Variants in NFAM1 observed in about 807,000 individuals in gnomAD.
NFAM1 encodes NFAT activation molecule 1.
In NFAM1, 17 loss-of-function variants were observed where a neutral mutation model predicts 29.0. That is an observed-to-expected ratio of 0.59 (90% CI 0.40 to 0.88). NFAM1 has a LOEUF of 0.88. NFAM1 is among the 40% of genes least tolerant of loss of function. The probability of loss-of-function intolerance (pLI) is 0.00; values close to 1 mark genes in which losing one functional copy is unlikely to be tolerated. For missense variants in NFAM1, 324 were observed against 344.6 expected, an observed-to-expected ratio of 0.94 and a Z score of 0.47; for synonymous variants, 175 against 147.2, an observed-to-expected ratio of 1.19 and a Z score of -1.36.
chr22:42,409,321 A>G lies in NFAM1; in HGVS notation c.564+114T>C. 1 of 516,590 alleles carries G rather than the reference A, an allele frequency of 1.9e-6. No individual in the cohort carries two copies. The allele number at this position is 516,590 out of a possible 1,614,324, so 32.0% of individuals were successfully genotyped here. On this transcript the variant is annotated intron_variant, in intron 3 of 5. Coordinates refer to ENST00000329021, the MANE Select transcript of NFAM1 (RefSeq NM_145912.8). The surrounding 1 kb of genome is among the most constrained non-coding windows in gnomAD (Gnocchi z 4.9). ...CAAGGGGCCACGAGGGCCACCTGTT[A>G]CAGATGTGGATGTGCCCTCACCAGG... is the stretch of plus-strand genomic sequence containing the variant.
Position 42,409,793 on chromosome 22 carries a change from G to C in NFAM1, c.452-246C>G, listed in dbSNP as rs547365849. Reference sequence around the variant, plus strand: ...TTGCTCTTCCGGTGCCCCTGCCCCCGTGACCTGGCTCCCCTGTGGGCTGCT... The same window carrying C: ...TTGCTCTTCCGGTGCCCCTGCCCCCCTGACCTGGCTCCCCTGTGGGCTGCT... On this transcript the variant is annotated intron_variant, in intron 2 of 5. Coordinates refer to ENST00000329021, the MANE Select transcript of NFAM1 (RefSeq NM_145912.8). This position sits in a 1 kb window ranked among gnomAD's most constrained non-coding sequence, Gnocchi z 4.9. Among the ~76,000 whole-genome samples the C allele has an allele frequency of 6.6e-6, 1 of 152,282 alleles. No individual in the cohort carries two copies. The highest frequency in any genetic ancestry group is 2.4e-5 in the African/African-American group (1 of 41,562).
chr22:42,404,548 C>T (rs983836049), intron 3 of NFAM1, among the ~76,000 whole-genome samples: 4 of 152,204 alleles, frequency 2.6e-5, no homozygotes, highest in Non-Finnish European at 5.9e-5. Context: ...GCCGTTCTCC[C>T]CAGGTACAGA....
At chr22:42,412,104 T>C (rs1284806764) in intron 1 of NFAM1, among the ~76,000 whole-genome samples, 1 of 152,084 alleles carries the variant, frequency 6.6e-6, no homozygotes, top group Non-Finnish European at 1.5e-5. Flanking sequence ...TGGTAGTGTA[T>C]GCCTGTAATC....
chr22:42,420,009 T>G (rs1467831930), intron 1 of NFAM1, among the ~76,000 whole-genome samples: 45 of 138,070 alleles, frequency 3.3e-4, no homozygotes, highest in East Asian at 1.7e-3. Flanking sequence ...TTTTTTTTTT[T>G]TTTTTTTTTT....
chr22:42,396,361 G>T (rs1179833505), intron 4 of NFAM1, among the ~76,000 whole-genome samples: 1 of 152,200 alleles, frequency 6.6e-6, no homozygotes, highest in Non-Finnish European at 1.5e-5. Flanking sequence ...AGAAGTATGT[G>T]TGAGTGCGTA....
At chr22:42,397,998 C>G in intron 3 of NFAM1, 42 bp from the exon 4 acceptor site, 1 of 1,106,674 alleles carries the variant, frequency 9.0e-7, no homozygotes, top group Non-Finnish European at 1.3e-6. Context: ...GAGTGGCTCT[C>G]GTCTTCCTCC....
intron 5 of NFAM1, among the ~76,000 whole-genome samples, chr22:42,385,885 A>C (rs1929121547): frequency 6.6e-6 from 1 of 152,178 alleles, no homozygotes; most frequent in Non-Finnish European, 1.5e-5. Context: ...GCCAAGTGCC[A>C]GGCGCCCGCA....
rs1471834651 is a variant in NFAM1, at chr22:42,419,989, GGTTTTTTTTTTTTTTTTT to G, written c.122-8271_122-8254del. 2.3e-4 allele frequency among the ~76,000 whole-genome samples: 13 copies of G among 56,526 alleles called. No individual in the cohort carries two copies. The highest frequency in any genetic ancestry group is 1.2e-3 in the South Asian group (2 of 1,682). The allele number at this position is 56,526 out of a possible 152,430, so 37.1% of individuals were successfully genotyped here. A position where few individuals can be genotyped will look rare whatever the true frequency, so the allele number is the denominator to read the frequency against. ...CCTTTGAGTCTGTAATCCCACTCTTGGTTTTTTTTTTTTTTTTTTTTTTTTTTTTTTTTTTTTCTGAGG... is the reference window on the plus strand; with the variant it reads ...CCTTTGAGTCTGTAATCCCACTCTTGTTTTTTTTTTTTTTTTTTTCTGAGG... On this transcript the variant is annotated intron_variant, in intron 1 of 5. Transcript: ENST00000329021. The surrounding 1 kb of genome is among the most constrained non-coding windows in gnomAD (Gnocchi z 4.5).
chr22:42,408,369 C>G (rs1407026538), intron 3 of NFAM1, among the ~76,000 whole-genome samples: 1 of 152,222 alleles, frequency 6.6e-6, no homozygotes. Context: ...AGGGGCTGAG[C>G]CTTTTTTGAC....
At chr22:42,432,757 T>A (rs1601767866), upstream of NFAM1, among the ~76,000 whole-genome samples, 1 of 152,202 alleles carries the variant, frequency 6.6e-6, no homozygotes, top group Non-Finnish European at 1.5e-5. Flanking sequence ...ACCACAAGCA[T>A]GTTCACACAA....
At chr22:42,412,493 G>A (rs532211717) in intron 1 of NFAM1, among the ~76,000 whole-genome samples, 1 of 152,230 alleles carries the variant, frequency 6.6e-6, no homozygotes, top group Non-Finnish European at 1.5e-5. Flanking sequence ...CCCATCCAGG[G>A]CTGGGGAACA....
rs901054670 is a variant in NFAM1, at chr22:42,423,212, G to C, written c.121+9025C>G. Among the ~76,000 whole-genome samples, 17 of 151,766 alleles carry C rather than the reference G, an allele frequency of 1.1e-4. 2 individuals carry two copies. Among genetic ancestry groups the C allele is most frequent in the Admixed American group, 9.9e-4 (15 of 15,222 alleles). Reference sequence around the variant, plus strand: ...TGTTCACCCAAAGTCTCACCAAGGAGGGCCAGGCCCTGCCACCAGGAAGGG... The same window carrying C: ...TGTTCACCCAAAGTCTCACCAAGGACGGCCAGGCCCTGCCACCAGGAAGGG... On this transcript the variant is annotated intron_variant, in intron 1 of 5. Coordinates refer to ENST00000329021, the MANE Select transcript of NFAM1 (RefSeq NM_145912.8).
chr22:42,390,816 CAAAAA>C (rs11343542), intron 4 of NFAM1, among the ~76,000 whole-genome samples: 3 of 107,610 alleles, frequency 2.8e-5, no homozygotes, highest in Admixed American at 9.1e-5. Context: ...GACTCCGTCT[CAAAAA>C]AAAAAAAAAA....
chr22:42,386,396 A>ACACACACACAC lies in NFAM1; in HGVS notation c.753+592_753+593insGTGTGTGTGTG, dbSNP rs1555968132. ...CTCAAAACAAAAACAAAAACAAACA[A>ACACACACACAC]ACACACACACACACACACACACACA... On this transcript the variant is annotated intron_variant, in intron 5 of 5. Coordinates refer to ENST00000329021, the MANE Select transcript of NFAM1 (RefSeq NM_145912.8). Among the ~76,000 whole-genome samples, 643 of 125,262 alleles carry ACACACACACAC rather than the reference A, an allele frequency of 5.1e-3. 3 individuals are homozygous for ACACACACACAC. Among genetic ancestry groups the ACACACACACAC allele is most frequent in the African/African-American group, 0.016 (548 of 34,622 alleles). The allele number at this position is 125,262 out of a possible 152,430, so 82.2% of individuals were successfully genotyped here.
chr22:42,384,594 C>A lies in NFAM1; in HGVS notation c.*567G>T, dbSNP rs145703909. 4.3e-4 allele frequency: 71 copies of A among 166,814 alleles called. 1 individual carries two copies. In the East Asian group the frequency reaches 0.012, roughly 28 times the overall value. The allele number at this position is 166,814 out of a possible 1,614,324, so 10.3% of individuals were successfully genotyped here. A position where few individuals can be genotyped will look rare whatever the true frequency, so the allele number is the denominator to read the frequency against. ...TCTTGCCTCTGAGGGGTCCATCATC[C>A]TTGTCTGTCCCCCAGACCTCCCACG... On this transcript the variant is annotated 3_prime_UTR_variant, in exon 6 of 6. Transcript: ENST00000329021.
intron 1 of NFAM1, among the ~76,000 whole-genome samples, chr22:42,426,259 G>A (rs1352588366): frequency 6.6e-6 from 1 of 152,158 alleles, no homozygotes; most frequent in Admixed American, 6.5e-5. Flanking sequence ...GGCTGTTTGC[G>A]GTTATGCTCT....
chr22:42,424,663 A>ATCTT (rs1374793063), intron 1 of NFAM1, among the ~76,000 whole-genome samples: 4 of 152,014 alleles, frequency 2.6e-5, no homozygotes, highest in African/African-American at 9.7e-5. Context: ...AAACGCAAGA[A>ATCTT]AGTTCTCGGG....
intron 4 of NFAM1, among the ~76,000 whole-genome samples, chr22:42,393,567 CCTGA>C (rs1362510259): frequency 1.0e-3 from 143 of 142,754 alleles, no homozygotes; most frequent in African/African-American, 3.5e-3. Context: ...CGCCACCACG[CCTGA>C]CTAATTTTTT....
At position 42,391,697 on chromosome 22, in the gene NFAM1, C is replaced by T. The variant is rs551773280; in HGVS notation, c.664-4619G>A. Among the ~76,000 whole-genome samples the T allele has an allele frequency of 9.2e-5, 14 of 152,054 alleles. No individual in the cohort carries two copies. The South Asian group carries it at 1.2e-3, about 14-fold the overall frequency. On this transcript the variant is annotated intron_variant, in intron 4 of 5. Transcript: ENST00000329021. ...CAGTGGCTCACATCTGCAATCCTAG[C>T]ACTTTGGGAGGCTGAGGCAGGCGGA...
Sources: gnomAD v4.1 joint callset for allele counts (sites outside exome capture counted in the v4.1 genomes callset) on GRCh38, gnomAD v4.1.1 for gene constraint, Gnocchi (gnomAD v3.1) non-coding constraint, MANE v1.5 for transcripts, NCBI Gene and HGNC (gene_info 2026-07-23, HGNC 2026-07-21) for gene names.